Variants in C3orf20 observed in about 807,000 individuals in gnomAD.
C3orf20 encodes family with sequence similarity 149 member C, also known as uncharacterized protein C3orf20.
A neutral mutation model predicts 88.3 loss-of-function variants in C3orf20; 76 were observed. The observed-to-expected ratio is 0.86, with a 90% confidence interval of 0.72 to 1.04. C3orf20 has a LOEUF of 1.04. Among genes scored for constraint, C3orf20 ranks in the 50% least tolerant of loss-of-function variants. C3orf20 has a pLI of 0.00. For missense variants in C3orf20, 1,056 were observed against 1,123.3 expected (o/e 0.94, Z 0.86); for synonymous variants, 436 against 437.4 (o/e 1.00, Z 0.04).
chr3:14,715,666 G>A (rs2033911727), intron 9 of C3orf20, among the ~76,000 whole-genome samples: 1 of 152,154 alleles, frequency 6.6e-6, no homozygotes, highest in Non-Finnish European at 1.5e-5. Flanking sequence ...TCCTTCCTGT[G>A]TAATTTTTAT....
At chr3:14,680,549 A>AT (rs1332148424) in intron 1 of C3orf20, among the ~76,000 whole-genome samples, 4 of 152,170 alleles carry the variant, frequency 2.6e-5, no homozygotes, top group Non-Finnish European at 5.9e-5. Flanking sequence ...GGGCAATAGA[A>AT]TGTTCTAAAA....
intron 10 of C3orf20, chr3:14,722,194 T>C: frequency 3.4e-6 from 1 of 290,668 alleles, no homozygotes; most frequent in East Asian, 7.9e-5. Flanking sequence ...GATGACAAGA[T>C]GACCATGAAC....
chr3:14,748,744 T>G (rs1232912422), intron 12 of C3orf20, among the ~76,000 whole-genome samples: 1 of 152,238 alleles, frequency 6.6e-6, no homozygotes, highest in Non-Finnish European at 1.5e-5. Flanking sequence ...AATTTTCACA[T>G]ATTTGTGAAT....
intron 12 of C3orf20, among the ~76,000 whole-genome samples, chr3:14,753,835 C>G (rs185436183): frequency 6.6e-6 from 1 of 151,916 alleles, no homozygotes; most frequent in African/African-American, 2.4e-5. Flanking sequence ...AAGTGGTCAG[C>G]TAGTGATTTG....
intron 9 of C3orf20, 61 bp downstream of exon 9, chr3:14,715,470 G>T: frequency 1.9e-6 from 3 of 1,566,396 alleles, no homozygotes; most frequent in Non-Finnish European, 2.6e-6. Flanking sequence ...GAGGGTCTGG[G>T]CATCCTGCCA....
chr3:14,677,159 A>C (rs2031815993), intron 1 of C3orf20, among the ~76,000 whole-genome samples: 2 of 152,196 alleles, frequency 1.3e-5, no homozygotes, highest in Admixed American at 6.5e-5. Context: ...CAGAAACTAG[A>C]GAAAATAGCA....
rs774762474 is a variant in C3orf20 at position 14,682,865 on chromosome 3, G to C, written c.152G>C (p.Trp51Ser). The change falls in exon 3 of 17, where the codon TGG (tryptophan) becomes TCG (serine). Residue 51 changes from tryptophan to serine, a missense_variant. Physicochemically the swap from Trp to Ser is radical, Grantham distance 177. Transcript: ENST00000253697. ...ATCAGAAACATCTTTGAGTTCACTT[G>C]GGAAGAGCTCATCAGTGACCCTTCA... The part of the protein sequence containing the change: ...KGIRNIFEFT[W>S]EELISDPSVP... 33 of 1,614,134 alleles carry C rather than the reference G, an allele frequency of 2.0e-5. No individual in the cohort carries two copies. In the Middle Eastern group the frequency reaches 4.9e-4, roughly 24 times the overall value.
At chr3:14,693,425 A>C (rs2032828100) in intron 5 of C3orf20, among the ~76,000 whole-genome samples, 1 of 152,132 alleles carries the variant, frequency 6.6e-6, no homozygotes, top group Admixed American at 6.5e-5. Context: ...TTTTCATTGT[A>C]GAAATCTTTC....
intron 7 of C3orf20, among the ~76,000 whole-genome samples, chr3:14,712,176 GCGCGCGCA>G (rs1296969703): frequency 2.6e-5 from 2 of 76,390 alleles, no homozygotes; most frequent in Non-Finnish European, 5.6e-5. Flanking sequence ...ACACACACGC[GCGCGCGCA>G]CACACACACA....
chr3:14,730,301 A>C (rs1462811233), intron 12 of C3orf20, among the ~76,000 whole-genome samples: 9 of 152,084 alleles, frequency 5.9e-5, no homozygotes, highest in Admixed American at 5.9e-4. Flanking sequence ...TAATCCCAGC[A>C]CTTTGGGAGG....
chr3:14,749,661 C>G (rs2035162549), intron 12 of C3orf20, among the ~76,000 whole-genome samples: 1 of 151,162 alleles, frequency 6.6e-6, no homozygotes, highest in Admixed American at 6.6e-5. Flanking sequence ...TTCTGTTTTT[C>G]AATTCCTCCA....
intron 7 of C3orf20, among the ~76,000 whole-genome samples, chr3:14,705,452 G>A (rs865922964): frequency 2.6e-5 from 4 of 152,344 alleles, no homozygotes; most frequent in South Asian, 2.1e-4. Flanking sequence ...TATCTGTCAC[G>A]TGCAATGAAG....
At chr3:14,737,080 G>A (rs530460902) in intron 12 of C3orf20, among the ~76,000 whole-genome samples, 1 of 152,022 alleles carries the variant, frequency 6.6e-6, no homozygotes, top group South Asian at 2.1e-4. Flanking sequence ...TTTCTTTAAA[G>A]GCTTTTCTAT....
chr3:14,717,838 A>G (rs774647230), intron 9 of C3orf20, among the ~76,000 whole-genome samples: 2 of 152,080 alleles, frequency 1.3e-5, no homozygotes, highest in African/African-American at 2.4e-5. Flanking sequence ...TTTGCTGGAT[A>G]TGATTCTGGG....
At position 14,751,948 on chromosome 3, in the gene C3orf20, C is replaced by T. The variant is rs552623125; in HGVS notation, c.1941-5423C>T. Among the ~76,000 whole-genome samples, 11 of 152,292 alleles carry T rather than the reference C, an allele frequency of 7.2e-5. No individual in the cohort carries two copies. The East Asian group carries it at 2.1e-3, about 29-fold the overall frequency. On this transcript the variant is annotated intron_variant, in intron 12 of 16. Transcript: ENST00000253697. ...TTCAATGCTATCCCCATCAAGCTAC[C>T]ACTGACTTTCTTCACAGAATTGGAA...
At chr3:14,696,371 C>CATTATTATTATTATTATTATT (rs141837445) in intron 5 of C3orf20, among the ~76,000 whole-genome samples, 1 of 142,042 alleles carries the variant, frequency 7.0e-6, no homozygotes, top group Non-Finnish European at 1.5e-5. Flanking sequence ...GTTGTGCTAT[C>CATTATTATTATTATTATTATT]ATTATTATTA....
intron 6 of C3orf20, 94 bp downstream of exon 6, chr3:14,703,356 C>T: frequency 6.4e-7 from 1 of 1,568,842 alleles, no homozygotes. Flanking sequence ...AGTGGACAGT[C>T]ACAGAAGTGT....
At chr3:14,771,312 T>C (rs1171522763) in intron 15 of C3orf20, among the ~76,000 whole-genome samples, 1 of 152,228 alleles carries the variant, frequency 6.6e-6, no homozygotes, top group African/African-American at 2.4e-5. Flanking sequence ...CAGCCTATGG[T>C]ATTTTGTAAT....
At position 14,710,640 on chromosome 3, in the gene C3orf20, A is replaced by G. The variant is rs544559477; in HGVS notation, c.1161-3367A>G. Among the ~76,000 whole-genome samples, 3 of 152,042 alleles carry G rather than the reference A, an allele frequency of 2.0e-5. No individual in the cohort carries two copies. In the South Asian group the frequency reaches 6.3e-4, roughly 32 times the overall value. On this transcript the variant is annotated intron_variant, in intron 7 of 16. Coordinates refer to ENST00000253697, the MANE Select transcript of C3orf20 (RefSeq NM_032137.5). ...GTTGTTAATTTTCATGTATTTGTGA[A>G]TTTTCCCTATTTTCTTTTGTTAGTG... is the stretch of plus-strand genomic sequence containing the variant.
Sources: gnomAD v4.1 joint callset for allele counts (sites outside exome capture counted in the v4.1 genomes callset) on GRCh38, gnomAD v4.1.1 for gene constraint, MANE v1.5 for transcripts, NCBI Gene and HGNC (gene_info 2026-07-23, HGNC 2026-07-21) for gene names.